INPP4A: variants seen among roughly 807,000 people sequenced by gnomAD.
The protein encoded by INPP4A is inositol polyphosphate-4-phosphatase type I A.
In INPP4A, 33 loss-of-function variants were observed where a neutral mutation model predicts 119.8. That is an observed-to-expected ratio of 0.28 (90% confidence interval 0.21 to 0.37). The LOEUF is 0.37. INPP4A is among the 10% of genes least tolerant of loss of function. The pLI, the probability that INPP4A is intolerant of heterozygous loss-of-function variation, is 1.00. For missense variants in INPP4A, 956 were observed against 1,289.9 expected (o/e 0.74, Z 3.97); for synonymous variants, 496 against 500.7 (o/e 0.99, Z 0.12).
At chr2:98,458,779 G>A (rs1356999063) in intron 1 of INPP4A, among the ~76,000 whole-genome samples, 2 of 152,322 alleles carry the variant, frequency 1.3e-5, no homozygotes, top group East Asian at 1.9e-4. Context: ...CAGAGAGTGA[G>A]GCATGGCCAG....
intron 1 of INPP4A, among the ~76,000 whole-genome samples, chr2:98,488,846 G>A (rs1380151305): frequency 6.6e-6 from 1 of 152,122 alleles, no homozygotes; most frequent in Non-Finnish European, 1.5e-5. Flanking sequence ...GGAGTAGGGA[G>A]TGTTGTGAAA....
intron 1 of INPP4A, among the ~76,000 whole-genome samples, chr2:98,481,182 C>T (rs1297611765): frequency 1.3e-5 from 2 of 152,142 alleles, no homozygotes; most frequent in African/African-American, 4.8e-5. Context: ...CTGACACGTC[C>T]CTCTCAAGGT....
chr2:98,573,324 C>T (rs968246207), intron 23 of INPP4A, among the ~76,000 whole-genome samples: 3 of 152,230 alleles, frequency 2.0e-5, no homozygotes, highest in African/African-American at 7.2e-5. Context: ...CTGATCTCCT[C>T]ATTTTCCCAA....
At chr2:98,458,638 G>GT (rs1460337635) in intron 1 of INPP4A, among the ~76,000 whole-genome samples, 1 of 152,126 alleles carries the variant, frequency 6.6e-6, no homozygotes, top group African/African-American at 2.4e-5. Flanking sequence ...TGTTCTGTGT[G>GT]TTTTTTGGGG....
At position 98,457,730 on chromosome 2, in the gene INPP4A, G is replaced by A. The variant is rs541041591; in HGVS notation, c.-166+12645G>A. Among the ~76,000 whole-genome samples the A allele has an allele frequency of 1.7e-4, 26 of 152,308 alleles. 1 individual carries two copies. The South Asian group carries it at 2.7e-3, about 16-fold the overall frequency. On this transcript the variant is annotated intron_variant, in intron 1 of 24. Transcript: ENST00000409851. Reference sequence around the variant, plus strand: ...CTGTTTGAGCTTGCTACTTAGGCAGGCCTAGAAATAGGATTGGCTAGCTTT... The same window carrying A: ...CTGTTTGAGCTTGCTACTTAGGCAGACCTAGAAATAGGATTGGCTAGCTTT...
intron 1 of INPP4A, among the ~76,000 whole-genome samples, chr2:98,508,978 C>T (rs1684624318): frequency 6.6e-6 from 1 of 152,154 alleles, no homozygotes; most frequent in African/African-American, 2.4e-5. Context: ...GCCCCAGAAT[C>T]CCTGGCTGCA....
chr2:98,587,170 C>G (rs1459095963), intron 24 of INPP4A, among the ~76,000 whole-genome samples: 1 of 152,160 alleles, frequency 6.6e-6, no homozygotes, highest in Non-Finnish European at 1.5e-5. Flanking sequence ...GATAGAACCC[C>G]AAAAGACATG....
At chr2:98,559,612 A>G in intron 17 of INPP4A, 117 bp downstream of exon 17, 1 of 1,107,596 alleles carries the variant, frequency 9.0e-7, no homozygotes. Flanking sequence ...AAAGTATTCC[A>G]GGACCTCCTT....
intron 13 of INPP4A, among the ~76,000 whole-genome samples, chr2:98,548,552 G>A (rs1692908391): frequency 6.6e-6 from 1 of 152,136 alleles, no homozygotes; most frequent in African/African-American, 2.4e-5. Flanking sequence ...TGTCCCAGGA[G>A]GCTTGGGGTG....
intron 1 of INPP4A, among the ~76,000 whole-genome samples, chr2:98,450,719 T>C (rs886374390): frequency 5.9e-5 from 9 of 152,168 alleles, no homozygotes; most frequent in Non-Finnish European, 2.9e-5. Context: ...TGGCAGAGCT[T>C]GGAATTAGAT....
At chr2:98,501,375 AC>A (rs1180235176) in intron 1 of INPP4A, among the ~76,000 whole-genome samples, 10 of 152,206 alleles carry the variant, frequency 6.6e-5, no homozygotes, top group Non-Finnish European at 1.3e-4. Flanking sequence ...GGACCACAGT[AC>A]AAGGTCATGG....
intron 4 of INPP4A, among the ~76,000 whole-genome samples, chr2:98,522,108 T>C (rs567944054): frequency 5.5e-4 from 84 of 151,530 alleles, no homozygotes; most frequent in Non-Finnish European, 1.1e-3. Context: ...GCCAACATGG[T>C]GAAACCCTGT....
At chr2:98,544,915 C>T (rs747524621) in intron 11 of INPP4A, among the ~76,000 whole-genome samples, 5 of 152,168 alleles carry the variant, frequency 3.3e-5, no homozygotes, top group Non-Finnish European at 5.9e-5. Flanking sequence ...GCAACATTTG[C>T]CCAGGAAGGA....
intron 1 of INPP4A, among the ~76,000 whole-genome samples, chr2:98,507,941 T>C (rs3769719): frequency 0.27 from 41,789 of 152,094 alleles, 5,787 homozygotes; most frequent in Middle Eastern, 0.35. Flanking sequence ...TGACTGTCCT[T>C]ACCATGATGG....
chr2:98,446,855 T>TA (rs1215092956), intron 1 of INPP4A, among the ~76,000 whole-genome samples: 114 of 151,624 alleles, frequency 7.5e-4, no homozygotes, highest in African/African-American at 1.0e-3. Flanking sequence ...TAGCGTTTTT[T>TA]AAAAAAAAAT....
At chr2:98,487,689 C>T (rs181307416) in intron 1 of INPP4A, among the ~76,000 whole-genome samples, 1 of 152,322 alleles carries the variant, frequency 6.6e-6, no homozygotes, top group Admixed American at 6.5e-5. Context: ...TATACACAGA[C>T]TGGATGGTCT....
chr2:98,530,645 G>C (rs1689044878), intron 4 of INPP4A, among the ~76,000 whole-genome samples: 1 of 152,124 alleles, frequency 6.6e-6, no homozygotes, highest in Non-Finnish European at 1.5e-5. Flanking sequence ...CACCATCCTA[G>C]ACCTCAAATA....
In INPP4A at chr2:98,590,984, A is replaced by G; in HGVS notation, c.*3376A>G. 1 of 230,690 alleles carries G rather than the reference A, an allele frequency of 4.3e-6. No homozygotes were observed. The highest frequency in any genetic ancestry group is 8.6e-6 in the Non-Finnish European group (1 of 116,514). 14.3% of individuals were successfully genotyped at this position (230,690 alleles called of 1,614,324 possible). A position where few individuals can be genotyped will look rare whatever the true frequency, so the allele number is the denominator to read the frequency against. On this transcript the variant is annotated 3_prime_UTR_variant, in exon 25 of 25. Transcript: ENST00000409851. ...TGTTTGTGACTTCATTGGAATGTTG[A>G]TCTATTTCATATAGATTGTTTTTAA...
chr2:98,484,635 G>C (rs976129651), intron 1 of INPP4A, among the ~76,000 whole-genome samples: 1 of 152,182 alleles, frequency 6.6e-6, no homozygotes, highest in Non-Finnish European at 1.5e-5. Flanking sequence ...AAAGGGTTTA[G>C]TAAAACATAG....
Sources: allele counts gnomAD v4.1 joint callset (sites outside exome capture counted in the v4.1 genomes callset), GRCh38; gene constraint gnomAD v4.1.1; transcripts MANE v1.5; gene names NCBI Gene and HGNC (gene_info 2026-07-23, HGNC 2026-07-21).